The following LCMT1 variants were observed in gnomAD, a reference collection of about 807,000 sequenced individuals.
LCMT1 encodes the protein [Phosphatase 2A protein]-leucine-carboxy methyltransferase 1.
A neutral mutation model predicts 47.7 loss-of-function variants in LCMT1; 32 were observed. The ratio of observed to expected loss-of-function variants is 0.67; its 90% CI spans 0.51 to 0.90. The LOEUF is 0.90. LCMT1 is among the 40% of genes least tolerant of loss of function. LCMT1 has a pLI of 0.00. For missense variants in LCMT1, 375 were observed against 415.2 expected (o/e 0.90, Z 0.84); for synonymous variants, 152 against 149.7 (o/e 1.02, Z -0.11).
intron 1 of LCMT1, among the ~76,000 whole-genome samples, chr16:25,118,716 A>G (rs1959875972): frequency 6.6e-6 from 1 of 152,096 alleles, no homozygotes; most frequent in Non-Finnish European, 1.5e-5. Context: ...TGTCTGGGGA[A>G]GCAATGTCCA....
At chr16:25,168,205 C>T (rs766614940) in intron 7 of LCMT1, among the ~76,000 whole-genome samples, 11 of 151,778 alleles carry the variant, frequency 7.2e-5, no homozygotes, top group African/African-American at 1.5e-4. Context: ...CGTGCCACTG[C>T]GCCTGGCTGA....
rs1597589760 is a variant in LCMT1, at chr16:25,151,738, A to G, written c.466+123A>G. On this transcript the variant is annotated intron_variant, in intron 5 of 10. Transcript: ENST00000399069. ...GTGTGTGTGTGGTGTTATACAATGTATTGTCAACTGAAGAATGACGAGGTT... is the reference window on the plus strand; with the variant it reads ...GTGTGTGTGTGGTGTTATACAATGTGTTGTCAACTGAAGAATGACGAGGTT... The G allele has an allele frequency of 7.3e-6, 3 of 412,034 alleles. No homozygotes were observed. In the East Asian group the frequency reaches 1.2e-4, roughly 17 times the overall value. The allele number at this position is 412,034 out of a possible 1,614,324, so 25.5% of individuals were successfully genotyped here.
chr16:25,173,864 C>A (rs277889), intron 9 of LCMT1, among the ~76,000 whole-genome samples: 38,835 of 151,644 alleles, frequency 0.26, 5,061 homozygotes, highest in East Asian at 0.34. Context: ...TTTTTTAAAA[C>A]GCTATTTCCA....
chr16:25,113,511 A>G (rs1163478860), intron 1 of LCMT1, among the ~76,000 whole-genome samples: 1 of 152,234 alleles, frequency 6.6e-6, no homozygotes, highest in Admixed American at 6.5e-5. Context: ...GTGGACAAAA[A>G]TGATATTTAA....
chr16:25,171,898 G>C (rs1483481000), intron 9 of LCMT1, among the ~76,000 whole-genome samples: 1 of 152,066 alleles, frequency 6.6e-6, no homozygotes, highest in Non-Finnish European at 1.5e-5. Flanking sequence ...TCTATTTTTT[G>C]AATCTGTGGA....
chr16:25,174,805 T>A (rs1961877898), intron 9 of LCMT1, 132 bp from the exon 10 acceptor site: 1 of 447,824 alleles, frequency 2.2e-6, no homozygotes, highest in Admixed American at 4.3e-5. Context: ...AGCCACACCA[T>A]AATTACTATT....
intron 1 of LCMT1, among the ~76,000 whole-genome samples, chr16:25,122,505 T>C (rs922512929): frequency 1.3e-5 from 2 of 152,082 alleles, no homozygotes; most frequent in African/African-American, 2.4e-5. Flanking sequence ...ATTTTTTTAT[T>C]TTTTATAGAG....
chr16:25,128,425 C>G (rs754789177), intron 1 of LCMT1, 50 bp from the exon 2 acceptor site: 2 of 1,396,762 alleles, frequency 1.4e-6, no homozygotes, highest in African/African-American at 1.4e-5. Flanking sequence ...GGACCTTGGT[C>G]TGAACCTACT....
chr16:25,115,359 C>T (rs1478466968), intron 1 of LCMT1, among the ~76,000 whole-genome samples: 1 of 152,128 alleles, frequency 6.6e-6, no homozygotes, highest in Non-Finnish European at 1.5e-5. Flanking sequence ...TCTTAGTAGA[C>T]CCAAAATGCT....
chr16:25,164,756 A>T, intron 7 of LCMT1, 38 bp downstream of exon 7: 1 of 1,613,610 alleles, frequency 6.2e-7, no homozygotes, highest in Non-Finnish European at 8.5e-7. Flanking sequence ...TCCATACAGG[A>T]TCGCCGTGGT....
intron 1 of LCMT1, chr16:25,126,229 C>T (rs1041580087): frequency 9.7e-6 from 11 of 1,139,532 alleles, no homozygotes; most frequent in Non-Finnish European, 1.3e-5. Flanking sequence ...CCACTGTGCA[C>T]CACTGTGACC....
intron 10 of LCMT1, 143 bp downstream of exon 10, chr16:25,175,177 T>G (rs911211755): frequency 5.5e-5 from 33 of 596,990 alleles, no homozygotes; most frequent in Admixed American, 5.1e-4. Flanking sequence ...GGTCTCGCTC[T>G]GTCACCCAGG....
Position 25,111,875 on chromosome 16 carries a change from T to G in LCMT1, c.-9T>G. On this transcript the variant is annotated 5_prime_UTR_variant, in exon 1 of 11. Transcript: ENST00000399069. ...CTGGCGGACACAGCTCCCAGGAACC[T>G]CCACGCCCATGGCCACTAGGCAGAG... The G allele has an allele frequency of 6.3e-7, 1 of 1,598,688 alleles. No individual in the cohort carries two copies. Among genetic ancestry groups the G allele is most frequent in the Non-Finnish European group, 8.6e-7 (1 of 1,167,512 alleles).
Position 25,117,373 on chromosome 16 carries a change from C to T in LCMT1, c.113+5377C>T, listed in dbSNP as rs1959826144. 5.9e-5 allele frequency among the ~76,000 whole-genome samples: 9 copies of T among 152,188 alleles called. No individual in the cohort carries two copies. In the South Asian group the frequency reaches 1.9e-3, roughly 31 times the overall value. On this transcript the variant is annotated intron_variant, in intron 1 of 10. Transcript: ENST00000399069. ...TAAACATCTGCACTTTGTTGTGTGA[C>T]ATATATACTGTACCTTTTCATGATC...
intron 10 of LCMT1, 53 bp from the exon 11 acceptor site, chr16:25,177,948 C>G (rs1961999971): frequency 1.9e-6 from 3 of 1,585,652 alleles, no homozygotes; most frequent in Middle Eastern, 3.3e-4. Context: ...CTAGGGGCCT[C>G]TGCTCCTGGC....
At chr16:25,129,724 G>C (rs533999095) in intron 2 of LCMT1, among the ~76,000 whole-genome samples, 1 of 152,154 alleles carries the variant, frequency 6.6e-6, no homozygotes, top group Admixed American at 6.5e-5. Flanking sequence ...TAGGTGTCTG[G>C]ACTAATTATG....
At chr16:25,143,542 G>C (rs1240993622) in intron 4 of LCMT1, 3 of 152,210 alleles carry the variant, frequency 2.0e-5, no homozygotes, top group African/African-American at 7.2e-5. Context: ...TTCTGTACAG[G>C]TAGGGAAACC....
chr16:25,135,297 A>ATATATATATATATG (rs1567313913), intron 3 of LCMT1, among the ~76,000 whole-genome samples: 1 of 149,934 alleles, frequency 6.7e-6, no homozygotes, highest in African/African-American at 2.5e-5. Context: ...ATATATCTAT[A>ATATATATATATATG]TATATATATA....
At chr16:25,163,840 G>A (rs1437768392) in intron 6 of LCMT1, among the ~76,000 whole-genome samples, 1 of 152,146 alleles carries the variant, frequency 6.6e-6, no homozygotes, top group Non-Finnish European at 1.5e-5. Context: ...GTTTCTTGTT[G>A]GGCTTAGCTG....
Sources: gnomAD v4.1 joint callset for allele counts (sites outside exome capture counted in the v4.1 genomes callset) on GRCh38, gnomAD v4.1.1 for gene constraint, MANE v1.5 for transcripts, NCBI Gene and HGNC (gene_info 2026-07-23, HGNC 2026-07-21) for gene names.